Variants in DENND1A observed in about 807,000 individuals in gnomAD.
DENND1A encodes the protein DENN domain-containing protein 1A.
DENND1A carries 51 observed loss-of-function variants against 113.7 expected under a neutral mutation model. That is an observed-to-expected ratio of 0.45 (90% CI 0.36 to 0.57). The LOEUF is 0.57. Among genes scored for constraint, DENND1A ranks in the 20% least tolerant of loss-of-function variants. The pLI, the probability that DENND1A is intolerant of heterozygous loss-of-function variation, is 0.00. For missense variants in DENND1A, 1,258 were observed against 1,395.9 expected, an observed-to-expected ratio of 0.90 and a Z score of 1.57; for synonymous variants, 565 against 570.8, an observed-to-expected ratio of 0.99 and a Z score of 0.14.
rs2043688374 is a variant in DENND1A, at chr9:123,403,612, G to A, written c.1543-122C>T. The A allele has an allele frequency of 1.9e-5, 16 of 833,080 alleles. No homozygotes were observed. In the East Asian group the frequency reaches 4.3e-4, roughly 22 times the overall value. 51.6% of individuals were successfully genotyped at this position (833,080 alleles called of 1,614,324 possible). A position where few individuals can be genotyped will look rare whatever the true frequency, so the allele number is the denominator to read the frequency against. ...ACGTTTAGGGATTTTCAAAGCTACA[G>A]GCTACAAAAGCCCAGCCTATCACAG... On this transcript the variant is annotated intron_variant, in intron 20 of 23. Transcript: ENST00000394215.
chr9:123,552,023 G>GAGAGAGAGAGAGAGAC (rs1374639685), intron 13 of DENND1A, among the ~76,000 whole-genome samples: 1 of 141,092 alleles, frequency 7.1e-6, no homozygotes, highest in Non-Finnish European at 1.5e-5. Context: ...GAGAGCGAGA[G>GAGAGAGAGAGAGAGAC]AGAGAGAGAG....
intron 18 of DENND1A, among the ~76,000 whole-genome samples, chr9:123,447,331 A>G (rs1331888477): frequency 6.6e-6 from 1 of 152,206 alleles, no homozygotes; most frequent in Non-Finnish European, 1.5e-5. Flanking sequence ...CAGAGCAGGT[A>G]TGGAATAAAG....
intron 12 of DENND1A, among the ~76,000 whole-genome samples, chr9:123,575,535 A>T (rs1418516573): frequency 6.6e-6 from 1 of 152,242 alleles, no homozygotes; most frequent in African/African-American, 2.4e-5. Context: ...TCATTACATC[A>T]CATCAGTGGT....
intron 13 of DENND1A, among the ~76,000 whole-genome samples, chr9:123,519,501 G>A (rs1458122010): frequency 6.6e-6 from 1 of 151,628 alleles, no homozygotes; most frequent in African/African-American, 2.4e-5. Context: ...GTGGTGGCAC[G>A]ATCTTGGTTC....
chr9:123,457,921 T>G (rs1300993294), intron 13 of DENND1A, 24 bp from the exon 14 acceptor site: 15 of 1,573,722 alleles, frequency 9.5e-6, no homozygotes, highest in Non-Finnish European at 1.3e-5. Flanking sequence ...AGGGGAGAGG[T>G]GGGTCAGTGG....
intron 13 of DENND1A, among the ~76,000 whole-genome samples, chr9:123,542,795 C>A (rs930114300): frequency 6.6e-6 from 1 of 152,172 alleles, no homozygotes; most frequent in East Asian, 1.9e-4. Flanking sequence ...TGACCCTGGC[C>A]TCTGGCCTCA....
intron 2 of DENND1A, among the ~76,000 whole-genome samples, chr9:123,815,993 CTTTTTTTT>C (rs1170659580): frequency 3.8e-5 from 3 of 79,778 alleles, no homozygotes; most frequent in Admixed American, 3.2e-4. Context: ...AGTGACTGTA[CTTTTTTTT>C]TTTTTTTTTT....
At chr9:123,799,677 T>G (rs1488151951) in intron 2 of DENND1A, among the ~76,000 whole-genome samples, 1 of 152,236 alleles carries the variant, frequency 6.6e-6, no homozygotes, top group South Asian at 2.1e-4. Flanking sequence ...AAGTTCCATG[T>G]CTTACTTAAC....
intron 11 of DENND1A, among the ~76,000 whole-genome samples, chr9:123,587,829 T>C (rs913203492): frequency 6.6e-6 from 1 of 152,222 alleles, no homozygotes; most frequent in African/African-American, 2.4e-5. Context: ...GGGGTCTCCC[T>C]AAACAGTCTG....
chr9:123,466,689 T>G (rs1256661406), intron 13 of DENND1A, among the ~76,000 whole-genome samples: 2 of 152,206 alleles, frequency 1.3e-5, no homozygotes, highest in African/African-American at 4.8e-5. Flanking sequence ...TCTTTGCCTT[T>G]CCTTCTATGT....
intron 2 of DENND1A, among the ~76,000 whole-genome samples, chr9:123,857,956 A>G (rs660524): frequency 0.12 from 18,536 of 151,400 alleles, 1,479 homozygotes; most frequent in African/African-American, 0.23. Context: ...CTACTCAGGA[A>G]GCTGAGGCAG....
At chr9:123,402,866 G>A (rs530743602) in intron 21 of DENND1A, among the ~76,000 whole-genome samples, 3 of 152,296 alleles carry the variant, frequency 2.0e-5, no homozygotes, top group African/African-American at 7.2e-5. Flanking sequence ...CCAGTCCTAC[G>A]GGAGGTGCTG....
intron 1 of DENND1A, among the ~76,000 whole-genome samples, chr9:123,910,543 C>A (rs1853768656): frequency 6.6e-6 from 1 of 152,160 alleles, no homozygotes; most frequent in South Asian, 2.1e-4. Flanking sequence ...AAAGTATATT[C>A]ATGGTCTTTG....
chr9:123,414,522 G>A (rs2044565424), intron 19 of DENND1A: 2 of 1,548,226 alleles, frequency 1.3e-6, no homozygotes, highest in Non-Finnish European at 1.7e-6. Flanking sequence ...AAAAAAGGAG[G>A]TTCCCCAGCC....
At chr9:123,860,130 T>C (rs1403487694) in intron 2 of DENND1A, among the ~76,000 whole-genome samples, 2 of 152,220 alleles carry the variant, frequency 1.3e-5, no homozygotes, top group Admixed American at 1.3e-4. Flanking sequence ...CTTAACTTTA[T>C]GCTCATTTTA....
chr9:123,527,406 T>A (rs1305643123), intron 13 of DENND1A, among the ~76,000 whole-genome samples: 2 of 152,240 alleles, frequency 1.3e-5, no homozygotes, highest in African/African-American at 4.8e-5. Flanking sequence ...TTAAGCTTCA[T>A]GATGTAGCTT....
At chr9:123,847,122 G>A (rs1351854632) in intron 2 of DENND1A, among the ~76,000 whole-genome samples, 4 of 152,146 alleles carry the variant, frequency 2.6e-5, no homozygotes, top group African/African-American at 9.7e-5. Flanking sequence ...GGTTACTGGT[G>A]TGTGCCACTG....
At chr9:123,731,633 G>A (rs1445278001) in intron 5 of DENND1A, among the ~76,000 whole-genome samples, 1 of 152,156 alleles carries the variant, frequency 6.6e-6, no homozygotes, top group South Asian at 2.1e-4. Context: ...AGAAAAGATA[G>A]GAGAAAATCT....
intron 22 of DENND1A, 74 bp downstream of exon 22, chr9:123,387,656 C>A (rs1588269720): frequency 7.9e-7 from 1 of 1,267,498 alleles, no homozygotes; most frequent in Non-Finnish European, 1.0e-6. Context: ...GCAGCACCAG[C>A]CCCCCGCTTT....
Sources: allele counts gnomAD v4.1 joint callset (sites outside exome capture counted in the v4.1 genomes callset), GRCh38; gene constraint gnomAD v4.1.1; transcripts MANE v1.5; gene names NCBI Gene and HGNC (gene_info 2026-07-23, HGNC 2026-07-21).